The following BICDL1 variants were observed in gnomAD, a reference collection of about 807,000 sequenced individuals.
BICDL1 encodes BICD family like cargo adaptor 1, also known as BICD family-like cargo adapter 1.
BICDL1 carries 20 observed loss-of-function variants against 76.8 expected under a neutral mutation model. The ratio of observed to expected loss-of-function variants is 0.26; its 90% CI spans 0.18 to 0.38. The LOEUF is 0.38. Among genes scored for constraint, BICDL1 ranks in the 10% least tolerant of loss-of-function variants. The pLI is 1.00. For missense variants in BICDL1, 700 were observed against 798.6 expected (o/e 0.88, Z 1.49); for synonymous variants, 383 against 337.1 (o/e 1.14, Z -1.49).
intron 4 of BICDL1, among the ~76,000 whole-genome samples, chr12:120,069,245 G>A (rs73217387): frequency 7.2e-5 from 11 of 152,288 alleles, no homozygotes; most frequent in Non-Finnish European, 1.5e-4. Context: ...ATGTCTCCAA[G>A]TAATTAGCTC....
intron 8 of BICDL1, among the ~76,000 whole-genome samples, chr12:120,086,982 CGCGGCT>C (rs1874469376): frequency 6.6e-6 from 1 of 152,208 alleles, no homozygotes; most frequent in Admixed American, 6.5e-5. Context: ...GGCGCTGCGC[CGCGGCT>C]GTAGCCCTGG....
At chr12:120,034,701 C>T (rs934826595) in intron 2 of BICDL1, among the ~76,000 whole-genome samples, 5 of 152,182 alleles carry the variant, frequency 3.3e-5, no homozygotes, top group Non-Finnish European at 1.5e-5. Context: ...GCCAGGTTCT[C>T]ATCTGGAGCT....
At chr12:120,091,606 G>A (rs1307956358) in intron 9 of BICDL1, 1 of 984,452 alleles carries the variant, frequency 1.0e-6, no homozygotes, top group African/African-American at 1.8e-5. Flanking sequence ...GAAGACAAGG[G>A]CAAGGAGAAG....
rs35727779 is a variant in BICDL1, at chr12:120,032,745, A to ATTT, written c.646-28947_646-28945dup. Reference sequence around the variant, plus strand: ...CTAGGTTTACCTAAATACATCTATAATTTTTTTTTTTTTTTTTTTTGAGAT... The same window carrying ATTT: ...CTAGGTTTACCTAAATACATCTATAATTTTTTTTTTTTTTTTTTTTTTTGAGAT... On this transcript the variant is annotated intron_variant, in intron 2 of 9. Transcript: ENST00000548673. 9.6e-3 allele frequency among the ~76,000 whole-genome samples: 1,199 copies of ATTT among 124,474 alleles called. 54 individuals carry two copies. The highest frequency in any genetic ancestry group is 0.038 in the East Asian group (162 of 4,246). 81.7% of individuals were successfully genotyped at this position (124,474 alleles called of 152,430 possible).
chr12:120,012,631 A>C (rs971582507), intron 2 of BICDL1, among the ~76,000 whole-genome samples: 7 of 152,212 alleles, frequency 4.6e-5, no homozygotes, highest in African/African-American at 1.7e-4. Flanking sequence ...TTCCCTTTAC[A>C]TTAATGATAA....
intron 8 of BICDL1, among the ~76,000 whole-genome samples, chr12:120,084,628 C>T (rs866998273): frequency 2.0e-5 from 3 of 152,178 alleles, no homozygotes; most frequent in African/African-American, 7.2e-5. Flanking sequence ...GTGGCTCACA[C>T]CTGTAATCCC....
intron 2 of BICDL1, among the ~76,000 whole-genome samples, chr12:120,049,379 G>T (rs1191194398): frequency 6.6e-6 from 1 of 152,206 alleles, no homozygotes; most frequent in Non-Finnish European, 1.5e-5. Context: ...AAAGATTTCA[G>T]CAAGAAAATG....
At chr12:120,019,031 C>T (rs1160726522) in intron 2 of BICDL1, 8 of 134,218 alleles carry the variant, frequency 6.0e-5, no homozygotes, top group South Asian at 2.3e-4. Context: ...GGCGACAGAG[C>T]GAGACTCCGT....
intron 2 of BICDL1, among the ~76,000 whole-genome samples, chr12:120,020,264 A>G (rs1952152137): frequency 6.6e-6 from 1 of 152,250 alleles, no homozygotes; most frequent in Non-Finnish European, 1.5e-5. Flanking sequence ...AAAACAGATG[A>G]ACTAATGGAG....
At chr12:120,090,183 C>T (rs750424695) in intron 9 of BICDL1, 112 bp downstream of exon 9, 73 of 1,226,432 alleles carry the variant, frequency 6.0e-5, no homozygotes, top group East Asian at 4.3e-4. Context: ...ACTGGGTGAA[C>T]AGCACATCCC....
chr12:120,080,630 T>C, intron 7 of BICDL1: 1 of 347,566 alleles, frequency 2.9e-6, no homozygotes, highest in Non-Finnish European at 5.6e-6. Context: ...AGGGAAGATC[T>C]GGCCTACGGC....
At chr12:120,069,033 C>T (rs929659263) in intron 4 of BICDL1, among the ~76,000 whole-genome samples, 1 of 152,090 alleles carries the variant, frequency 6.6e-6, no homozygotes, top group African/African-American at 2.4e-5. Context: ...CGTCATTCCC[C>T]TTTTCTAAGC....
At chr12:120,047,011 A>T (rs939835940) in intron 2 of BICDL1, among the ~76,000 whole-genome samples, 1 of 152,198 alleles carries the variant, frequency 6.6e-6, no homozygotes, top group Non-Finnish European at 1.5e-5. Context: ...GTGCTGCTGG[A>T]GTTGCTGGTC....
chr12:120,092,928 C>T, intron 9 of BICDL1, 72 bp from the exon 10 acceptor site: 1 of 1,486,982 alleles, frequency 6.7e-7, no homozygotes, highest in South Asian at 1.4e-5. Context: ...GATGTTCCCA[C>T]CTCCCTGTCC....
chr12:120,001,484 G>T (rs1178776452), intron 2 of BICDL1, among the ~76,000 whole-genome samples: 1 of 151,902 alleles, frequency 6.6e-6, no homozygotes, highest in African/African-American at 2.4e-5. Context: ...CTGACCTTGT[G>T]ATCTGCCCGC....
intron 2 of BICDL1, among the ~76,000 whole-genome samples, chr12:120,047,984 A>G (rs1952781143): frequency 6.6e-6 from 1 of 152,176 alleles, no homozygotes; most frequent in Non-Finnish European, 1.5e-5. Context: ...GTCTTTTAAA[A>G]ATAAAATAAA....
intron 2 of BICDL1, among the ~76,000 whole-genome samples, chr12:120,032,636 C>A (rs148020217): frequency 2.4e-3 from 365 of 152,114 alleles, no homozygotes; most frequent in African/African-American, 7.4e-3. Flanking sequence ...TAGAGGCAAG[C>A]CAAATAATTT....
intron 2 of BICDL1, among the ~76,000 whole-genome samples, chr12:120,018,718 C>T (rs1477037500): frequency 1.3e-5 from 2 of 151,900 alleles, no homozygotes; most frequent in African/African-American, 4.8e-5. Context: ...TACTATATAC[C>T]TTATGGGGTT....
At chr12:120,087,106 CGTG>C (rs1334238588) in intron 8 of BICDL1, among the ~76,000 whole-genome samples, 1 of 152,264 alleles carries the variant, frequency 6.6e-6, no homozygotes, top group Non-Finnish European at 1.5e-5. Flanking sequence ...CTGTGGCTGT[CGTG>C]GGGCACCACG....
Sources: gnomAD v4.1 joint callset for allele counts (sites outside exome capture counted in the v4.1 genomes callset) on GRCh38, gnomAD v4.1.1 for gene constraint, MANE v1.5 for transcripts, NCBI Gene and HGNC (gene_info 2026-07-23, HGNC 2026-07-21) for gene names.